RNGTT: variants seen among roughly 807,000 people sequenced by gnomAD.
The protein encoded by RNGTT is RNA guanylyltransferase and 5'-phosphatase.
A neutral mutation model predicts 79.3 loss-of-function variants in RNGTT; 33 were observed. That is an observed-to-expected ratio of 0.42 (90% CI 0.32 to 0.56). The LOEUF is 0.56. Among genes scored for constraint, RNGTT ranks in the 20% least tolerant of loss-of-function variants. RNGTT has a pLI of 0.17. For missense variants in RNGTT, 497 were observed against 739.1 expected, an observed-to-expected ratio of 0.67 and a Z score of 3.80; for synonymous variants, 222 against 235.9, an observed-to-expected ratio of 0.94 and a Z score of 0.54.
chr6:88,949,084 T>C (rs1275423641), intron 1 of RNGTT, among the ~76,000 whole-genome samples: 2 of 109,858 alleles, frequency 1.8e-5, no homozygotes, highest in Admixed American at 2.3e-4. Flanking sequence ...TCCCCCTCTG[T>C]GAGAAACACC....
At position 88,620,570 on chromosome 6, in the gene RNGTT, C is replaced by T. The variant is rs569260655; in HGVS notation, c.1507-6175G>A. On this transcript the variant is annotated intron_variant, in intron 14 of 15. Coordinates refer to ENST00000369485, the MANE Select transcript of RNGTT (RefSeq NM_003800.5). ...TTGAAACAAAAAATCCTAAAATAAA[C>T]TACGTTTCACCAATGATGATAAACA... 2.0e-5 allele frequency among the ~76,000 whole-genome samples: 3 copies of T among 152,208 alleles called. No homozygotes were observed. In the South Asian group the frequency reaches 6.2e-4, roughly 32 times the overall value.
At chr6:88,889,533 C>T (rs1048729647) in intron 8 of RNGTT, among the ~76,000 whole-genome samples, 20 of 152,132 alleles carry the variant, frequency 1.3e-4, no homozygotes, top group Admixed American at 8.5e-4. Flanking sequence ...CTGTCATCTT[C>T]AAAATAACAC....
chr6:88,616,959 T>A (rs1772248979), intron 14 of RNGTT, among the ~76,000 whole-genome samples: 1 of 152,238 alleles, frequency 6.6e-6, no homozygotes, highest in South Asian at 2.1e-4. Flanking sequence ...CAAGAAATCA[T>A]TGCCTAATCC....
intron 14 of RNGTT, among the ~76,000 whole-genome samples, chr6:88,642,201 C>T (rs1167741361): frequency 6.6e-6 from 1 of 152,148 alleles, no homozygotes; most frequent in African/African-American, 2.4e-5. Flanking sequence ...TGACAGCTGA[C>T]AGCAAATCAC....
intron 14 of RNGTT, among the ~76,000 whole-genome samples, chr6:88,649,314 G>A (rs1247043690): frequency 6.6e-6 from 1 of 152,126 alleles, no homozygotes; most frequent in African/African-American, 2.4e-5. Flanking sequence ...TATGATGGGA[G>A]GGGAAAACAT....
chr6:88,613,692 C>T (rs563491661), intron 15 of RNGTT, among the ~76,000 whole-genome samples: 55 of 152,308 alleles, frequency 3.6e-4, no homozygotes, highest in African/African-American at 1.3e-3. Context: ...AGAACAACAA[C>T]TGCTACTGGT....
intron 13 of RNGTT, among the ~76,000 whole-genome samples, chr6:88,736,919 G>C (rs996150099): frequency 1.2e-4 from 18 of 152,182 alleles, no homozygotes; most frequent in Admixed American, 1.0e-3. Context: ...TCTCACCACA[G>C]TCTTAAAGGG....
At chr6:88,707,517 T>C (rs906148548) in intron 13 of RNGTT, among the ~76,000 whole-genome samples, 7 of 151,998 alleles carry the variant, frequency 4.6e-5, no homozygotes, top group African/African-American at 1.7e-4. Context: ...TTTCAACATA[T>C]GAAAAGTCTC....
chr6:88,747,390 A>G (rs1271530417), intron 13 of RNGTT, among the ~76,000 whole-genome samples: 1 of 152,208 alleles, frequency 6.6e-6, no homozygotes, highest in Non-Finnish European at 1.5e-5. Flanking sequence ...TGTCAGCTCA[A>G]TATACCACTT....
chr6:88,942,062 C>T (rs752827198), intron 1 of RNGTT, among the ~76,000 whole-genome samples: 1 of 151,964 alleles, frequency 6.6e-6, no homozygotes, highest in African/African-American at 2.4e-5. Context: ...TGGGCTCAAG[C>T]GATCCACCCA....
intron 14 of RNGTT, among the ~76,000 whole-genome samples, chr6:88,657,712 T>A (rs907002180): frequency 1.6e-4 from 24 of 152,096 alleles, no homozygotes; most frequent in Admixed American, 1.6e-3. Flanking sequence ...AACTTGGTGC[T>A]GTCGGTGGGG....
At chr6:88,845,109 A>G (rs1320104882) in intron 10 of RNGTT, among the ~76,000 whole-genome samples, 3 of 151,588 alleles carry the variant, frequency 2.0e-5, no homozygotes, top group Non-Finnish European at 4.4e-5. Context: ...ATAAAAACTA[A>G]AATCCACAGA....
chr6:88,801,561 T>C lies in RNGTT; in HGVS notation c.1338+3A>G. The C allele has an allele frequency of 6.2e-7, 1 of 1,608,258 alleles. No individual in the cohort carries two copies. Among genetic ancestry groups the C allele is most frequent in the Non-Finnish European group, 8.5e-7 (1 of 1,176,550 alleles). ...ACACACACACACAGACAAATGAACT[T>C]ACTCCAGTAGGCTGAAAAATAAGTC... On this transcript the variant is annotated splice_donor_region_variant and intron_variant, in intron 12 of 15. Coordinates refer to ENST00000369485, the MANE Select transcript of RNGTT (RefSeq NM_003800.5).
intron 6 of RNGTT, among the ~76,000 whole-genome samples, chr6:88,903,091 G>A (rs1358223730): frequency 1.3e-5 from 2 of 152,076 alleles, no homozygotes; most frequent in African/African-American, 2.4e-5. Flanking sequence ...CCATAAAGAA[G>A]GCAAGAAAGG....
intron 12 of RNGTT, among the ~76,000 whole-genome samples, chr6:88,779,351 A>C (rs911882711): frequency 6.6e-6 from 1 of 152,220 alleles, no homozygotes; most frequent in Non-Finnish European, 1.5e-5. Flanking sequence ...TTAGAAACCA[A>C]TATCAATCTA....
At chr6:88,755,764 G>A (rs964016236) in intron 13 of RNGTT, among the ~76,000 whole-genome samples, 1 of 151,650 alleles carries the variant, frequency 6.6e-6, no homozygotes, top group Non-Finnish European at 1.5e-5. Context: ...AGCTCAAGAC[G>A]AGCCTGAACA....
intron 13 of RNGTT, among the ~76,000 whole-genome samples, chr6:88,767,678 C>CAAAAAA (rs58712575): frequency 1.2e-5 from 1 of 83,484 alleles, no homozygotes; most frequent in Non-Finnish European, 2.5e-5. Context: ...TCACTTGTGT[C>CAAAAAA]AAAAAAAAAA....
intron 8 of RNGTT, among the ~76,000 whole-genome samples, chr6:88,855,861 T>C (rs1781828994): frequency 6.6e-6 from 1 of 152,288 alleles, no homozygotes; most frequent in Admixed American, 6.5e-5. Flanking sequence ...TCTAAGCTAC[T>C]TGGAAGAAGT....
At chr6:88,931,187 TAAAAAAAAAA>T (rs34070183) in intron 2 of RNGTT, among the ~76,000 whole-genome samples, 18 of 101,938 alleles carry the variant, frequency 1.8e-4, no homozygotes, top group Non-Finnish European at 3.1e-4. Context: ...TATAAAGCTG[TAAAAAAAAAA>T]AAAAAAAAAA....
Sources: gnomAD v4.1 joint callset for allele counts (sites outside exome capture counted in the v4.1 genomes callset) on GRCh38, gnomAD v4.1.1 for gene constraint, MANE v1.5 for transcripts, NCBI Gene and HGNC (gene_info 2026-07-23, HGNC 2026-07-21) for gene names.